Variants in ANKRD60 observed in about 807,000 individuals in gnomAD.
ANKRD60 encodes the protein ankyrin repeat domain 60, also known as ankyrin repeat domain-containing protein 60.
Under a neutral mutation model 21.3 loss-of-function variants are expected in ANKRD60, and 24 were observed. The observed-to-expected ratio is 1.13, with a 90% CI of 0.82 to 1.59. ANKRD60 has a LOEUF of 1.59. Ranked by LOEUF, ANKRD60 falls within the 40% of genes most tolerant of loss-of-function variation. The probability of loss-of-function intolerance (pLI) is 0.00; values close to 1 mark genes in which losing one functional copy is unlikely to be tolerated. For missense variants in ANKRD60, 490 were observed against 466.7 expected (o/e 1.05, Z -0.46); for synonymous variants, 182 against 199.4 (o/e 0.91, Z 0.74).
intron 3 of ANKRD60, among the ~76,000 whole-genome samples, chr20:58,219,285 G>C (rs376285606): frequency 7.2e-5 from 11 of 151,962 alleles, no homozygotes; most frequent in African/African-American, 2.7e-4. Context: ...ATCTTCCTTA[G>C]TTCTCCCACC....
At position 58,228,536 on chromosome 20, in the gene ANKRD60, C is replaced by A; in HGVS notation, c.118G>T (p.Gly40Cys). The A allele has an allele frequency of 7.5e-7, 1 of 1,332,556 alleles. No individual in the cohort carries two copies. 82.5% of individuals were successfully genotyped at this position (1,332,556 alleles called of 1,614,324 possible). ...CACCCCTGAGCCCCGGCCCGCGCACCGCTCCTGCGTCCCGCATTGGGGTGC... is the reference window on the plus strand; with the variant it reads ...CACCCCTGAGCCCCGGCCCGCGCACAGCTCCTGCGTCCCGCATTGGGGTGC... Residue 40 changes from glycine (G) to cysteine (C), a missense_variant, in exon 1 of 4, where the codon GGT becomes TGT. Gly to Cys is a radical substitution (Grantham distance 159, BLOSUM62 -3). Coordinates refer to ENST00000457363, the Ensembl canonical transcript of ANKRD60. The surrounding 1 kb of genome is among the most constrained non-coding windows in gnomAD (Gnocchi z 5.3).
chr20:58,222,645 C>G (rs1045079779), intron 2 of ANKRD60, among the ~76,000 whole-genome samples: 5 of 152,228 alleles, frequency 3.3e-5, no homozygotes, highest in African/African-American at 1.2e-4. Context: ...CGAGGGGCCT[C>G]TCCCTCCGGA....
exon 2 of ANKRD60, chr20:58,223,161 G>T: frequency 6.5e-7 from 1 of 1,548,416 alleles, no homozygotes; most frequent in Non-Finnish European, 8.7e-7. Flanking sequence ...GAACTTCAGG[G>T]TAGTGTCATC....
rs1282096585 is a variant in ANKRD60, at chr20:58,228,408, G to A, written c.246C>T (p.Ala82=). 1.3e-6 allele frequency: 2 copies of A among 1,543,744 alleles called. No individual in the cohort carries two copies. The highest frequency in any genetic ancestry group is 2.4e-5 in the South Asian group (2 of 84,044). ...GGGCCAAGTCGGGCAAGGCACTCGCGGCCTTCGGGTCACAGACGAGCCGCT... is the reference window on the plus strand; with the variant it reads ...GGGCCAAGTCGGGCAAGGCACTCGCAGCCTTCGGGTCACAGACGAGCCGCT... Residue 82 remains alanine, a synonymous_variant, in exon 1 of 4, where the codon GCC becomes GCT. Coordinates refer to ENST00000457363, the Ensembl canonical transcript of ANKRD60. The surrounding 1 kb of genome is among the most constrained non-coding windows in gnomAD (Gnocchi z 5.3).
At chr20:58,221,378 G>C (rs1428400483) in exon 3 of ANKRD60, 1 of 1,552,034 alleles carries the variant, frequency 6.4e-7, no homozygotes, top group East Asian at 2.4e-5. Context: ...AGTGGCCTCT[G>C]TGTGAGGCCA....
chr20:58,228,388 A>T lies in ANKRD60; in HGVS notation c.266T>A (p.Leu89Ter), dbSNP rs1198282937. 1.9e-6 allele frequency: 3 copies of T among 1,547,594 alleles called. No individual in the cohort carries two copies. The highest frequency in any genetic ancestry group is 1.7e-6 in the Non-Finnish European group (2 of 1,146,744). ...CCGCAGGACGAAGACGTCAGGGGCCAAGTCGGGCAAGGCACTCGCGGCCTT... is the reference window on the plus strand; with the variant it reads ...CCGCAGGACGAAGACGTCAGGGGCCTAGTCGGGCAAGGCACTCGCGGCCTT... The change falls in exon 1 of 4, where the codon TTG becomes TAG. Residue 89 changes from leucine (L) to a stop codon, truncating the protein, a stop_gained. Transcript: ENST00000457363. LOFTEE classifies it high-confidence loss of function. The surrounding 1 kb of genome is among the most constrained non-coding windows in gnomAD (Gnocchi z 5.3).
At chr20:58,223,529 G>A (rs1984305074) in intron 1 of ANKRD60, among the ~76,000 whole-genome samples, 1 of 152,190 alleles carries the variant, frequency 6.6e-6, no homozygotes, top group Non-Finnish European at 1.5e-5. Flanking sequence ...GAAGTAACCA[G>A]TCATTAGACA....
downstream of ANKRD60, among the ~76,000 whole-genome samples, chr20:58,216,184 A>C (rs1451303417): frequency 1.3e-5 from 2 of 152,196 alleles, no homozygotes; most frequent in African/African-American, 2.4e-5. Flanking sequence ...GTTGAATATA[A>C]ATAGAATGTC....
At chr20:58,222,148 T>C (rs1004558905) in intron 2 of ANKRD60, among the ~76,000 whole-genome samples, 15 of 152,158 alleles carry the variant, frequency 9.9e-5, no homozygotes, top group African/African-American at 3.6e-4. Flanking sequence ...AGGTGACCCC[T>C]GCAGCCAGAG....
intron 3 of ANKRD60, among the ~76,000 whole-genome samples, chr20:58,219,861 C>CA (rs997809512): frequency 7.2e-4 from 110 of 152,208 alleles, no homozygotes; most frequent in African/African-American, 2.6e-3. Context: ...TCTATCAGAG[C>CA]AAAAATGACT....
Position 58,228,217 on chromosome 20 carries a change from GA to G in ANKRD60, c.430+6del, listed in dbSNP as rs896740401. 3 of 1,544,242 alleles carry G rather than the reference GA, an allele frequency of 1.9e-6. No homozygotes were observed. The African/African-American group carries it at 4.1e-5, about 21-fold the overall frequency. On this transcript the variant is annotated splice_donor_region_variant and intron_variant, in intron 1 of 3. Transcript: ENST00000457363. This position sits in a 1 kb window ranked among gnomAD's most constrained non-coding sequence, Gnocchi z 5.3. ...GTGGCCAGGGAAGGAGTCAGGGCAG[GA>G]GCCACCTTCGTCGAGGTACTGGAGC...
At chr20:58,216,169 G>A (rs1984131449), downstream of ANKRD60, among the ~76,000 whole-genome samples, 1 of 152,172 alleles carries the variant, frequency 6.6e-6, no homozygotes, top group East Asian at 1.9e-4. Flanking sequence ...AAGTGATACA[G>A]ACTTGTTGAA....
chr20:58,219,141 A>G (rs2122801059), intron 3 of ANKRD60, among the ~76,000 whole-genome samples: 1 of 151,742 alleles, frequency 6.6e-6, no homozygotes, highest in South Asian at 2.1e-4. Context: ...CACCAATTAT[A>G]CCTACCTTCC....
intron 2 of ANKRD60, 91 bp from the exon 3 acceptor site, chr20:58,221,594 C>T: frequency 7.3e-7 from 1 of 1,378,306 alleles, no homozygotes; most frequent in African/African-American, 1.4e-5. Flanking sequence ...GGAAGGCTTG[C>T]TTGAATGTCA....
downstream of ANKRD60, among the ~76,000 whole-genome samples, chr20:58,216,494 A>G (rs896357107): frequency 3.3e-5 from 5 of 152,220 alleles, no homozygotes; most frequent in African/African-American, 1.2e-4. Flanking sequence ...CTAACACTTC[A>G]TTAGCTAAAT....
At chr20:58,225,569 G>C (rs486302) in intron 1 of ANKRD60, among the ~76,000 whole-genome samples, 4 of 151,986 alleles carry the variant, frequency 2.6e-5, no homozygotes, top group African/African-American at 7.3e-5. Flanking sequence ...CTGTCCAGAG[G>C]GGGAAACGGC....
In ANKRD60 at chr20:58,228,586, CCCGCCGCCCGCGCTCCGCCCGCCCCCG is replaced by C. The variant is rs1332054871; in HGVS notation, c.41_67del (p.Ala14_Ala22del). 1.7e-6 allele frequency: 2 copies of C among 1,147,848 alleles called. No homozygotes were observed. The highest frequency in any genetic ancestry group is 2.1e-6 in the Non-Finnish European group (2 of 934,494). 71.1% of individuals were successfully genotyped at this position (1,147,848 alleles called of 1,614,324 possible). A position where few individuals can be genotyped will look rare whatever the true frequency, so the allele number is the denominator to read the frequency against. On this transcript the variant is annotated inframe_deletion, in exon 1 of 4. Transcript: ENST00000457363. The surrounding 1 kb of genome is among the most constrained non-coding windows in gnomAD (Gnocchi z 5.3). ...CAGGCGAGAGGCGCCCCCAGTTGGC[CCCGCCGCCCGCGCTCCGCCCGCCCCCG>C]CCGCCGCCCGCCGCATCCCCCAGGC...
rs891543592 is a variant in ANKRD60, at chr20:58,228,584, G to T, written c.70C>A (p.Pro24Thr). ...TGCAGGCGAGAGGCGCCCCCAGTTG[G>T]CCCCGCCGCCCGCGCTCCGCCCGCC... Residue 24 changes from proline (P) to threonine (T), a missense_variant, in exon 1 of 4, where the codon CCA becomes ACA. Coordinates refer to ENST00000457363, the Ensembl canonical transcript of ANKRD60. The surrounding 1 kb of genome is among the most constrained non-coding windows in gnomAD (Gnocchi z 5.3). 4.2e-5 allele frequency: 48 copies of T among 1,154,550 alleles called. No individual in the cohort carries two copies. Among genetic ancestry groups the T allele is most frequent in the Middle Eastern group, 3.5e-4 (1 of 2,844 alleles). The allele number at this position is 1,154,550 out of a possible 1,614,324, so 71.5% of individuals were successfully genotyped here.
chr20:58,222,986 T>C (rs1984291754), intron 2 of ANKRD60, 66 bp downstream of exon 2: 9 of 1,484,704 alleles, frequency 6.1e-6, no homozygotes, highest in Non-Finnish European at 7.2e-6. Flanking sequence ...TAAAGACTAA[T>C]TTTCCCCCCA....
Sources: gnomAD v4.1 joint callset for allele counts (sites outside exome capture counted in the v4.1 genomes callset) on GRCh38, gnomAD v4.1.1 for gene constraint, Gnocchi (gnomAD v3.1) non-coding constraint, MANE v1.5 for transcripts, NCBI Gene and HGNC (gene_info 2026-07-23, HGNC 2026-07-21) for gene names.